The following SLC2A13 variants were observed in gnomAD, a reference collection of about 807,000 sequenced individuals.
The protein encoded by SLC2A13 is solute carrier family 2 member 13, also known as proton myo-inositol cotransporter.
SLC2A13 carries 32 observed loss-of-function variants against 64.4 expected under a neutral mutation model. The ratio of observed to expected loss-of-function variants is 0.50; its 90% confidence interval spans 0.37 to 0.67. The LOEUF (loss-of-function observed/expected upper bound fraction) is 0.67, where lower values mean the gene tolerates loss of function less well. SLC2A13 is among the 30% of genes least tolerant of loss of function. The probability of loss-of-function intolerance (pLI) is 0.00; values close to 1 mark genes in which losing one functional copy is unlikely to be tolerated. For missense variants in SLC2A13, 743 were observed against 829.2 expected (o/e 0.90, Z 1.28); for synonymous variants, 338 against 327.1 (o/e 1.03, Z -0.36).
intron 1 of SLC2A13, among the ~76,000 whole-genome samples, chr12:40,052,032 T>C (rs1948266111): frequency 2.0e-5 from 3 of 151,866 alleles, no homozygotes; most frequent in Admixed American, 1.3e-4. Context: ...AGAATATGAA[T>C]AGGATGTGAA....
chr12:39,775,059 T>A (rs1940728703), intron 7 of SLC2A13, among the ~76,000 whole-genome samples: 1 of 152,218 alleles, frequency 6.6e-6, no homozygotes, highest in Admixed American at 6.5e-5. Flanking sequence ...AAGTGTATCC[T>A]TAGGAAACCA....
chr12:39,842,225 G>T (rs892294469), intron 6 of SLC2A13, among the ~76,000 whole-genome samples: 2 of 152,046 alleles, frequency 1.3e-5, no homozygotes, highest in South Asian at 4.1e-4. Flanking sequence ...TAGAAGACCA[G>T]ATTAGAAATA....
chr12:39,764,341 G>C (rs1940271386), intron 9 of SLC2A13, 119 bp downstream of exon 9: 1 of 887,724 alleles, frequency 1.1e-6, no homozygotes, highest in Non-Finnish European at 1.6e-6. Context: ...AAGCCACATG[G>C]AGATACTTAT....
intron 3 of SLC2A13, among the ~76,000 whole-genome samples, chr12:40,019,031 T>C (rs1405118464): frequency 2.0e-5 from 3 of 152,144 alleles, no homozygotes; most frequent in Non-Finnish European, 2.9e-5. Context: ...CCTGTCTGTG[T>C]GTTGCAATGA....
At chr12:40,049,465 C>T (rs1421721373) in intron 1 of SLC2A13, among the ~76,000 whole-genome samples, 1 of 152,152 alleles carries the variant, frequency 6.6e-6, no homozygotes, top group East Asian at 1.9e-4. Flanking sequence ...ACATTCCATA[C>T]AGCAAGTGAC....
chr12:39,787,896 G>A (rs527807464), intron 7 of SLC2A13, among the ~76,000 whole-genome samples: 1 of 152,106 alleles, frequency 6.6e-6, no homozygotes, highest in Non-Finnish European at 1.5e-5. Context: ...GTAAAGAGTG[G>A]TATTGATGAA....
At chr12:40,002,631 A>G (rs1947338792) in intron 3 of SLC2A13, among the ~76,000 whole-genome samples, 1 of 152,246 alleles carries the variant, frequency 6.6e-6, no homozygotes, top group African/African-American at 2.4e-5. Context: ...AGCACATGTC[A>G]TGAGCTAGGA....
At chr12:39,973,307 C>T (rs533839771) in intron 3 of SLC2A13, among the ~76,000 whole-genome samples, 1 of 152,324 alleles carries the variant, frequency 6.6e-6, no homozygotes, top group Admixed American at 6.5e-5. Flanking sequence ...CCTTCACTGG[C>T]TTTCAGAAAC....
intron 2 of SLC2A13, among the ~76,000 whole-genome samples, chr12:40,042,353 T>C (rs1278772055): frequency 6.6e-6 from 1 of 152,136 alleles, no homozygotes; most frequent in Non-Finnish European, 1.5e-5. Flanking sequence ...ATGATGACTA[T>C]ATACTTGTAA....
At chr12:39,983,005 G>C (rs994756180) in intron 3 of SLC2A13, among the ~76,000 whole-genome samples, 1 of 145,752 alleles carries the variant, frequency 6.9e-6, no homozygotes, top group Non-Finnish European at 1.5e-5. Flanking sequence ...ACAGAACAGA[G>C]CCCTCAGAAA....
At chr12:39,772,499 T>C (rs1940619447) in intron 7 of SLC2A13, among the ~76,000 whole-genome samples, 1 of 152,096 alleles carries the variant, frequency 6.6e-6, no homozygotes, top group South Asian at 2.1e-4. Flanking sequence ...ACATTTGCAT[T>C]TGTTTAATTG....
chr12:39,895,947 C>T (rs967473560), intron 4 of SLC2A13, among the ~76,000 whole-genome samples: 1 of 148,324 alleles, frequency 6.7e-6, no homozygotes, highest in Non-Finnish European at 1.5e-5. Context: ...TATATACATG[C>T]GTATATGTGT....
chr12:39,919,457 T>C (rs1029256948), intron 4 of SLC2A13, among the ~76,000 whole-genome samples: 9 of 152,042 alleles, frequency 5.9e-5, no homozygotes, highest in Non-Finnish European at 1.2e-4. Context: ...AGTGGATACT[T>C]TTACCAATAT....
intron 4 of SLC2A13, among the ~76,000 whole-genome samples, chr12:39,925,259 C>A (rs1489233902): frequency 6.6e-6 from 1 of 152,012 alleles, no homozygotes. Context: ...GTCTCAAACT[C>A]CTAGGCTCAG....
At chr12:40,053,654 G>A (rs981266800) in intron 1 of SLC2A13, among the ~76,000 whole-genome samples, 7 of 152,108 alleles carry the variant, frequency 4.6e-5, no homozygotes, top group Non-Finnish European at 8.8e-5. Flanking sequence ...AAAGAGCTTG[G>A]AACAATTAGT....
At chr12:39,910,907 A>AC in intron 4 of SLC2A13, among the ~76,000 whole-genome samples, 1 of 151,904 alleles carries the variant, frequency 6.6e-6, no homozygotes, top group Admixed American at 6.6e-5. Flanking sequence ...ATATGGTGAA[A>AC]CCCCGTCTCT....
intron 7 of SLC2A13, among the ~76,000 whole-genome samples, chr12:39,772,185 G>T (rs926476025): frequency 2.0e-5 from 3 of 152,062 alleles, no homozygotes; most frequent in Non-Finnish European, 4.4e-5. Flanking sequence ...ATGGCACAAG[G>T]GTCAAGAGCA....
intron 4 of SLC2A13, among the ~76,000 whole-genome samples, chr12:39,891,445 C>A (rs1944605730): frequency 6.6e-6 from 1 of 151,770 alleles, no homozygotes; most frequent in African/African-American, 2.4e-5. Flanking sequence ...ATACTTTAAG[C>A]CAAAAAAGAT....
intron 6 of SLC2A13, among the ~76,000 whole-genome samples, chr12:39,859,722 T>C (rs1943708060): frequency 6.6e-6 from 1 of 152,076 alleles, no homozygotes; most frequent in Non-Finnish European, 1.5e-5. Flanking sequence ...AGCTGGGGTT[T>C]CACCATGTTG....
Sources: gnomAD v4.1 joint callset for allele counts (sites outside exome capture counted in the v4.1 genomes callset) on GRCh38, gnomAD v4.1.1 for gene constraint, MANE v1.5 for transcripts, NCBI Gene and HGNC (gene_info 2026-07-23, HGNC 2026-07-21) for gene names.